Variants in FAM170A observed in about 807,000 individuals in gnomAD.
FAM170A encodes family with sequence similarity 170 member A.
In FAM170A, 28 loss-of-function variants were observed where a neutral mutation model predicts 36.6. The ratio of observed to expected loss-of-function variants is 0.76; its 90% CI spans 0.57 to 1.05. FAM170A has a LOEUF of 1.05. Among genes scored for constraint, FAM170A ranks in the 50% least tolerant of loss-of-function variants. The probability of loss-of-function intolerance (pLI) is 0.00; values close to 1 mark genes in which losing one functional copy is unlikely to be tolerated. For synonymous variants in FAM170A, 156 were observed against 143.9 expected, an observed-to-expected ratio of 1.08 and a Z score of -0.60; for missense variants, 434 against 396.5, an observed-to-expected ratio of 1.09 and a Z score of -0.80.
At chr5:119,630,022 G>A (rs1473612463) in intron 1 of FAM170A, among the ~76,000 whole-genome samples, 184 bp downstream of exon 1, 1 of 151,928 alleles carries the variant, frequency 6.6e-6, no homozygotes, top group African/African-American at 2.4e-5. Flanking sequence ...CTCCCGAGTA[G>A]CTGGGACTAC....
chr5:119,630,801 G>T (rs328706), intron 1 of FAM170A, among the ~76,000 whole-genome samples: 8,946 of 152,252 alleles, frequency 0.059, 701 homozygotes, highest in East Asian at 0.43. Flanking sequence ...GAGGTGGAAG[G>T]TGTGAAGGGT....
exon 3 of FAM170A, chr5:119,634,363 C>A: frequency 6.2e-7 from 1 of 1,614,202 alleles, no homozygotes; most frequent in Non-Finnish European, 8.5e-7. Flanking sequence ...GCCTGCCAGG[C>A]TCACCCACCG....
exon 3 of FAM170A, chr5:119,634,281 C>G (rs780829563): frequency 6.2e-7 from 1 of 1,614,146 alleles, no homozygotes; most frequent in Non-Finnish European, 8.5e-7. Context: ...GATGTGTCCA[C>G]CAGAAACCTC....
chr5:119,630,212 T>C lies in FAM170A; in HGVS notation c.70+374T>C, dbSNP rs1251014568. 8.5e-5 allele frequency among the ~76,000 whole-genome samples: 11 copies of C among 129,946 alleles called. No homozygotes were observed. The Admixed American group carries it at 9.8e-4, about 12-fold the overall frequency. 85.2% of individuals were successfully genotyped at this position (129,946 alleles called of 152,430 possible). ...CTCTGTCGCCCAGGCTGGAGTGCAG[T>C]GGTGTGAGCTCGGCTCACTGCAAGC... On this transcript the variant is annotated intron_variant, in intron 1 of 4. Coordinates refer to ENST00000613773, the Ensembl canonical transcript of FAM170A.
intron 1 of FAM170A, among the ~76,000 whole-genome samples, chr5:119,631,864 CT>C (rs1756259266): frequency 6.6e-6 from 1 of 152,184 alleles, no homozygotes; most frequent in South Asian, 2.1e-4. Context: ...GCCAGGCCTG[CT>C]TTGCATAGAC....
chr5:119,629,767 T>C, exon 1 of FAM170A: 3 of 1,612,600 alleles, frequency 1.9e-6, no homozygotes, highest in African/African-American at 1.3e-5. Flanking sequence ...CTAGCTGATA[T>C]CATGAAACGA....
At chr5:119,633,847 C>A in intron 2 of FAM170A, 113 bp from the exon 3 acceptor site, 1 of 1,349,928 alleles carries the variant, frequency 7.4e-7, no homozygotes, top group Non-Finnish European at 1.0e-6. Flanking sequence ...GCTCACTACA[C>A]AGCTGCATCT....
chr5:119,634,684 A>G (rs780081527), exon 3 of FAM170A: 1 of 1,565,406 alleles, frequency 6.4e-7, no homozygotes, highest in Non-Finnish European at 8.6e-7. Context: ...GCCTGAGGAG[A>G]TCCTGGAGCC....
At chr5:119,630,124 C>T (rs112873880) in intron 1 of FAM170A, among the ~76,000 whole-genome samples, 2 of 143,500 alleles carry the variant, frequency 1.4e-5, no homozygotes, top group Admixed American at 7.0e-5. Flanking sequence ...ATCTCCTGAC[C>T]TCCTGATCCG....
At chr5:119,634,417 C>A (rs527890367) in exon 3 of FAM170A, 1 of 1,614,218 alleles carries the variant, frequency 6.2e-7, no homozygotes, top group African/African-American at 1.3e-5. Context: ...GGCTGGTGAC[C>A]ATGGAGAACG....
At chr5:119,635,155 C>A in intron 4 of FAM170A, 69 bp downstream of exon 4, 1 of 1,145,746 alleles carries the variant, frequency 8.7e-7, no homozygotes, top group Non-Finnish European at 1.3e-6. Flanking sequence ...AGGGAAGGAG[C>A]TGCAGGGATG....
Position 119,634,631 on chromosome 5 carries a change from GA to G in FAM170A, c.885del (p.Ala296GlnfsTer15). The G allele has an allele frequency of 6.2e-7, 1 of 1,610,986 alleles. No homozygotes were observed. Among genetic ancestry groups the G allele is most frequent in the Non-Finnish European group, 8.5e-7 (1 of 1,178,700 alleles). On this transcript the variant is annotated frameshift_variant, in exon 3 of 5. Coordinates refer to ENST00000613773, the Ensembl canonical transcript of FAM170A. LOFTEE classifies it high-confidence loss of function. ...TGAGAAGGAGGAGGAAGAGAAACCA[GA>G]AGCAAAGGAGGAGGAGGGGCAGCCC...
intron 1 of FAM170A, among the ~76,000 whole-genome samples, chr5:119,630,151 T>TC (rs1756213929): frequency 8.5e-6 from 1 of 118,168 alleles, no homozygotes; most frequent in African/African-American, 3.4e-5. Flanking sequence ...TCGGCCTCCT[T>TC]TTTTTTTTTT....
exon 3 of FAM170A, chr5:119,634,311 G>C (rs1561524876): frequency 6.2e-7 from 1 of 1,614,204 alleles, no homozygotes; most frequent in Admixed American, 1.7e-5. Context: ...AGTGAGCCCA[G>C]TGGGGAGGAG....
In FAM170A at chr5:119,633,811, C is replaced by A. The variant is rs760624089; in HGVS notation, c.212-149C>A. 3.0e-6 allele frequency: 3 copies of A among 1,013,444 alleles called. No homozygotes were observed. In the African/African-American group the frequency reaches 4.8e-5, roughly 16 times the overall value. The allele number at this position is 1,013,444 out of a possible 1,614,324, so 62.8% of individuals were successfully genotyped here. ...ACGCAAATGACACTAGAATCACTAC[C>A]CCACAATATGAACAACAAATACCAA... On this transcript the variant is annotated intron_variant, in intron 2 of 4. Transcript: ENST00000613773.
At chr5:119,633,926 T>C in intron 2 of FAM170A, 34 bp from the exon 3 acceptor site, 1 of 1,587,208 alleles carries the variant, frequency 6.3e-7, no homozygotes, top group Non-Finnish European at 8.6e-7. Flanking sequence ...GCATGGCCCA[T>C]GCATCTGCTC....
intron 1 of FAM170A, among the ~76,000 whole-genome samples, chr5:119,632,523 G>A (rs529060694): frequency 4.6e-5 from 7 of 152,242 alleles, no homozygotes; most frequent in Admixed American, 2.6e-4. Flanking sequence ...CGCTTCAGAC[G>A]TACTCATAGT....
exon 3 of FAM170A, chr5:119,634,408 G>T (rs1349476220): frequency 6.2e-7 from 1 of 1,614,150 alleles, no homozygotes; most frequent in Non-Finnish European, 8.5e-7. Flanking sequence ...CTCCTGACTG[G>T]CTGGTGACCA....
At chr5:119,633,826 A>T (rs1182663995) in intron 2 of FAM170A, 134 bp from the exon 3 acceptor site, 1 of 1,190,680 alleles carries the variant, frequency 8.4e-7, no homozygotes, top group African/African-American at 1.5e-5. Context: ...AATATGAACA[A>T]CAAATACCAA....
Sources: gnomAD v4.1 joint callset for allele counts (sites outside exome capture counted in the v4.1 genomes callset) on GRCh38, gnomAD v4.1.1 for gene constraint, MANE v1.5 for transcripts, NCBI Gene and HGNC (gene_info 2026-07-23, HGNC 2026-07-21) for gene names.